Variants in ARB2A observed in about 807,000 individuals in gnomAD.
ARB2A encodes ARB2 cotranscriptional regulator A, also known as cotranscriptional regulator ARB2A.
At chr5:93,664,579 C>G in the ARB2A span, among the ~76,000 whole-genome samples, 1 of 150,038 alleles carries the variant, frequency 6.7e-6, no homozygotes, top group African/African-American at 2.4e-5. Flanking sequence ...TGCAGTGAGC[C>G]GAGATAGCGC....
At chr5:93,706,633 C>T in the ARB2A span, among the ~76,000 whole-genome samples, 4 of 152,058 alleles carry the variant, frequency 2.6e-5, no homozygotes, top group East Asian at 5.8e-4. Context: ...TTTGGGCAGC[C>T]GAGACTGGCG....
At chr5:94,007,524 G>A in the ARB2A span, among the ~76,000 whole-genome samples, 1 of 152,114 alleles carries the variant, frequency 6.6e-6, no homozygotes. Flanking sequence ...TGTAATCCTA[G>A]CACTTTGGGA....
the ARB2A span, chr5:93,741,034 A>C: frequency 3.1e-6 from 5 of 1,613,626 alleles, no homozygotes; most frequent in African/African-American, 2.7e-5. Flanking sequence ...CAGCTTCCAC[A>C]TGTTGGCGAC....
chr5:93,767,803 G>A, the ARB2A span, among the ~76,000 whole-genome samples: 1 of 151,618 alleles, frequency 6.6e-6, no homozygotes, highest in African/African-American at 2.4e-5. Flanking sequence ...GACCATCCTG[G>A]CTAACACGGC....
the ARB2A span, among the ~76,000 whole-genome samples, chr5:93,870,534 G>A: frequency 2.0e-5 from 3 of 152,264 alleles, no homozygotes; most frequent in African/African-American, 7.2e-5. Flanking sequence ...AACCTCTGGA[G>A]ATTCCTGAGA....
At chr5:93,830,311 G>GTGTGTATGTA in the ARB2A span, among the ~76,000 whole-genome samples, 1 of 82,260 alleles carries the variant, frequency 1.2e-5, no homozygotes, top group Non-Finnish European at 2.4e-5. Context: ...GTGTGTGTGT[G>GTGTGTATGTA]TATATATATA....
chr5:93,775,740 T>C, the ARB2A span, among the ~76,000 whole-genome samples: 1 of 152,182 alleles, frequency 6.6e-6, no homozygotes, highest in South Asian at 2.1e-4. Flanking sequence ...ACTAAAATCT[T>C]TGCATGAAGT....
chr5:93,973,430 C>T, the ARB2A span, among the ~76,000 whole-genome samples: 1 of 151,926 alleles, frequency 6.6e-6, no homozygotes, highest in Non-Finnish European at 1.5e-5. Context: ...TGTAAAGTGA[C>T]CAAATCTATG....
chr5:94,046,153 A>G, the ARB2A span, among the ~76,000 whole-genome samples: 1 of 152,196 alleles, frequency 6.6e-6, no homozygotes. Context: ...CATGACTCAG[A>G]AATGGAAATT....
the ARB2A span, among the ~76,000 whole-genome samples, chr5:94,051,463 C>T: frequency 6.6e-6 from 1 of 152,142 alleles, no homozygotes; most frequent in Non-Finnish European, 1.5e-5. Flanking sequence ...AAGCAAAGAT[C>T]TTTACGGATA....
At chr5:93,910,970 G>C in the ARB2A span, 1 of 151,448 alleles carries the variant, frequency 6.6e-6, no homozygotes, top group Non-Finnish European at 1.5e-5. Context: ...ATTCAGAAGA[G>C]AGTCATCAAA....
chr5:93,683,706 C>T, the ARB2A span: 17 of 1,611,058 alleles, frequency 1.1e-5, no homozygotes, highest in Non-Finnish European at 1.4e-5. Context: ...CCATGTCCAT[C>T]GAATCTTCCA....
the ARB2A span, among the ~76,000 whole-genome samples, chr5:93,840,716 C>T: frequency 1.3e-4 from 20 of 152,172 alleles, no homozygotes; most frequent in East Asian, 1.9e-4. Context: ...TTGGTTTTTA[C>T]ATTAGATATT....
the ARB2A span, chr5:93,618,140 T>A: frequency 7.5e-6 from 1 of 133,780 alleles, no homozygotes. Context: ...TGTGCTTTCC[T>A]TTTTTTTTTT....
the ARB2A span, among the ~76,000 whole-genome samples, chr5:94,020,469 T>C: frequency 6.6e-6 from 1 of 151,944 alleles, no homozygotes; most frequent in East Asian, 1.9e-4. Context: ...ACAGTGGTGG[T>C]TGGTAAACCA....
chr5:93,649,083 A>G, the ARB2A span, among the ~76,000 whole-genome samples: 1 of 152,342 alleles, frequency 6.6e-6, no homozygotes, highest in Non-Finnish European at 1.5e-5. Flanking sequence ...CTGTTCAGAA[A>G]TAACAACTTG....
the ARB2A span, among the ~76,000 whole-genome samples, chr5:93,775,768 C>G: frequency 6.6e-6 from 1 of 152,208 alleles, no homozygotes; most frequent in Non-Finnish European, 1.5e-5. Flanking sequence ...TCTAAGGTCT[C>G]TAGGACACAC....
chr5:93,934,193 A>G, the ARB2A span, among the ~76,000 whole-genome samples: 2 of 152,342 alleles, frequency 1.3e-5, no homozygotes, highest in South Asian at 2.1e-4. Flanking sequence ...AACCATGTAC[A>G]TGGTTGAAAA....
At chr5:93,846,786 G>A in the ARB2A span, among the ~76,000 whole-genome samples, 3 of 152,100 alleles carry the variant, frequency 2.0e-5, no homozygotes, top group East Asian at 1.9e-4. Context: ...CAATCTTTTT[G>A]TCAGTGAAGG....
Sources: allele counts gnomAD v4.1 joint callset (sites outside exome capture counted in the v4.1 genomes callset), GRCh38; gene constraint gnomAD v4.1.1; transcripts MANE v1.5; gene names NCBI Gene and HGNC (gene_info 2026-07-23, HGNC 2026-07-21).